FBN2: variants seen among roughly 807,000 people sequenced by gnomAD.
FBN2 encodes the protein fibrillin-2.
Under a neutral mutation model 355.6 loss-of-function variants are expected in FBN2, and 105 were observed. The ratio of observed to expected loss-of-function variants is 0.30; its 90% CI spans 0.25 to 0.35. The LOEUF (loss-of-function observed/expected upper bound fraction) is 0.35, where lower values mean the gene tolerates loss of function less well. Ranked by LOEUF, FBN2 falls within the 10% of genes least tolerant of loss-of-function variation. FBN2 has a pLI of 1.00. For synonymous variants in FBN2, 1,350 were observed against 1,301.2 expected, an observed-to-expected ratio of 1.04 and a Z score of -0.81; for missense variants, 3,280 against 3,758.7, an observed-to-expected ratio of 0.87 and a Z score of 3.33.
chr5:128,457,799 AG>A (rs1475266895), intron 6 of FBN2, among the ~76,000 whole-genome samples: 1 of 152,110 alleles, frequency 6.6e-6, no homozygotes, highest in African/African-American at 2.4e-5. Flanking sequence ...AGCTCATGAA[AG>A]AAGCACTAAA....
In FBN2 at chr5:128,515,799, A is replaced by T. The variant is rs991808020; in HGVS notation, c.628+3474T>A. ...GTCCCTTTTTCCTTTAAGTTGTACT[A>T]AAAAAATGTACATTTTAAAGGAAAT... On this transcript the variant is annotated intron_variant, in intron 5 of 64. Transcript: ENST00000262464. Among the ~76,000 whole-genome samples the T allele has an allele frequency of 1.1e-3, 174 of 152,122 alleles. 3 individuals carry two copies. Among genetic ancestry groups the T allele is most frequent in the Non-Finnish European group, 3.8e-4 (26 of 68,006 alleles).
At chr5:128,512,948 T>C (rs1003896092) in intron 5 of FBN2, among the ~76,000 whole-genome samples, 2 of 152,206 alleles carry the variant, frequency 1.3e-5, no homozygotes, top group African/African-American at 2.4e-5. Context: ...ACATAATAGA[T>C]ATATATTATA....
intron 6 of FBN2, among the ~76,000 whole-genome samples, chr5:128,456,003 A>AAAAAAAAAAAAAAC (rs1754379736): frequency 7.1e-6 from 1 of 141,702 alleles, no homozygotes; most frequent in Non-Finnish European, 1.5e-5. Context: ...AAAAAAAAAA[A>AAAAAAAAAAAAAAC]AAAAAAAAAA....
In FBN2 at chr5:128,305,017, T is replaced by A. The variant is rs2126838130; in HGVS notation, c.5740A>T (p.Ser1914Cys). The A allele has an allele frequency of 6.2e-7, 1 of 1,613,764 alleles. No homozygotes were observed. The highest frequency in any genetic ancestry group is 8.5e-7 in the Non-Finnish European group (1 of 1,179,858). Reference protein sequence around the residue: ...SHGLCVDLQGSYQCICHNGFK... With the variant: ...SHGLCVDLQGCYQCICHNGFK... ...CCATTGTGGCAGATGCACTGGTAACTTCCTTGCAGATCAACACACAAGCCA... is the reference window on the plus strand; with the variant it reads ...CCATTGTGGCAGATGCACTGGTAACATCCTTGCAGATCAACACACAAGCCA... Residue 1914 changes from serine to cysteine, a missense_variant, in exon 45 of 65, where the codon AGT (serine) becomes TGT (cysteine). Physicochemically the swap from Ser to Cys is moderately radical, Grantham distance 112. Coordinates refer to ENST00000262464, the MANE Select transcript of FBN2 (RefSeq NM_001999.4).
Position 128,305,568 on chromosome 5 carries a change from T to C in FBN2, c.5617A>G (p.Ser1873Gly). Residue 1873 changes from serine to glycine, a missense_variant, in exon 44 of 65, where the codon AGT (serine) becomes GGT (glycine). This residue lies in a region of FBN2 where 2,284 missense variants were observed against 2,749.5 expected (regional missense o/e 0.83). Transcript: ENST00000262464. ...RNADCINSPG[S>G]YRCECAAGFK... is the part of the protein sequence containing the mutation. ...CCCGCGGCACATTCACAGCGGTAACTACCAGGACTATTGATGCAGTCTGCA... is the reference window on the plus strand; with the variant it reads ...CCCGCGGCACATTCACAGCGGTAACCACCAGGACTATTGATGCAGTCTGCA... The C allele has an allele frequency of 6.2e-7, 1 of 1,614,052 alleles. No homozygotes were observed.
chr5:128,422,752 A>T (rs1449409706), intron 7 of FBN2, among the ~76,000 whole-genome samples: 1 of 152,192 alleles, frequency 6.6e-6, no homozygotes, highest in Non-Finnish European at 1.5e-5. Flanking sequence ...AAGAGAGTAA[A>T]ACAGAGTACA....
intron 6 of FBN2, among the ~76,000 whole-genome samples, chr5:128,449,470 A>C (rs1340134600): frequency 7.3e-6 from 1 of 136,802 alleles, no homozygotes; most frequent in African/African-American, 2.8e-5. Context: ...ATAGTATACT[A>C]TTAAACTATG....
At position 128,263,452 on chromosome 5, in the gene FBN2, G is replaced by A; in HGVS notation, c.8165C>T (p.Pro2722Leu). The A allele has an allele frequency of 6.2e-7, 1 of 1,613,924 alleles. No homozygotes were observed. Among genetic ancestry groups the A allele is most frequent in the Non-Finnish European group, 8.5e-7 (1 of 1,179,850 alleles). The change falls in exon 63 of 65, where the codon CCC becomes CTC. Residue 2722 changes from proline (P) to leucine (L), a missense_variant. Transcript: ENST00000262464. ...NTEGGYLCGC[P>L]PGYYRVGQGH... ...TTGTCCCACTCTGTAATACCCAGGGGGGCAGCCACAGAGGTAGCCCCCCTC... is the reference window on the plus strand; with the variant it reads ...TTGTCCCACTCTGTAATACCCAGGGAGGCAGCCACAGAGGTAGCCCCCCTC...
intron 40 of FBN2, among the ~76,000 whole-genome samples, chr5:128,309,632 C>T (rs1749977463): frequency 2.0e-5 from 3 of 152,158 alleles, no homozygotes; most frequent in African/African-American, 7.2e-5. Flanking sequence ...AATGTTAATA[C>T]ATATTTGTTT....
Position 128,349,411 on chromosome 5 carries a change from C to T in FBN2, c.2925G>A (p.Lys975=). The T allele has an allele frequency of 6.2e-7, 1 of 1,614,136 alleles. No homozygotes were observed. Among genetic ancestry groups the T allele is most frequent in the Non-Finnish European group, 8.5e-7 (1 of 1,180,014 alleles). ...CAGGGCACTCGCAATGAAAAGATCCCTTACTGTTGACACAGCGTCCATTTG... is the reference window on the plus strand; with the variant it reads ...CAGGGCACTCGCAATGAAAAGATCCTTTACTGTTGACACAGCGTCCATTTG... ...VCPNGRCVNS[K]GSFHCECPEG... Residue 975 remains lysine (K), a synonymous_variant, in exon 23 of 65, where the codon AAG becomes AAA. Coordinates refer to ENST00000262464, the MANE Select transcript of FBN2 (RefSeq NM_001999.4).
At chr5:128,296,707 A>G (rs917572198) in intron 48 of FBN2, among the ~76,000 whole-genome samples, 7 of 151,822 alleles carry the variant, frequency 4.6e-5, no homozygotes, top group East Asian at 1.9e-4. Flanking sequence ...TTTTTATTGC[A>G]TCTATTTGAT....
chr5:128,515,797 C>T lies in FBN2; in HGVS notation c.628+3476G>A, dbSNP rs199598689. On this transcript the variant is annotated intron_variant, in intron 5 of 64. Coordinates refer to ENST00000262464, the MANE Select transcript of FBN2 (RefSeq NM_001999.4). Reference sequence around the variant, plus strand: ...TAGTCCCTTTTTCCTTTAAGTTGTACTAAAAAAATGTACATTTTAAAGGAA... The same window carrying T: ...TAGTCCCTTTTTCCTTTAAGTTGTATTAAAAAAATGTACATTTTAAAGGAA... Among the ~76,000 whole-genome samples the T allele has an allele frequency of 1.1e-3, 163 of 151,782 alleles. 2 individuals carry two copies. The highest frequency in any genetic ancestry group is 1.0e-3 in the Non-Finnish European group (70 of 67,934).
Position 128,493,720 on chromosome 5 carries a change from T to A in FBN2, c.628+25553A>T, listed in dbSNP as rs542909090. On this transcript the variant is annotated intron_variant, in intron 5 of 64. Coordinates refer to ENST00000262464, the MANE Select transcript of FBN2 (RefSeq NM_001999.4). ...GGCTGTGTGATACTGGAAGGATGAC[T>A]GCTACATGGTCTAAGAAAGAAAAAA... is the stretch of plus-strand genomic sequence containing the variant. 9.2e-5 allele frequency among the ~76,000 whole-genome samples: 14 copies of A among 152,284 alleles called. No individual in the cohort carries two copies. In the East Asian group the frequency reaches 2.7e-3, roughly 29 times the overall value.
chr5:128,534,394 A>G (rs13163820), intron 2 of FBN2, among the ~76,000 whole-genome samples: 39,734 of 152,112 alleles, frequency 0.26, 5,734 homozygotes, highest in African/African-American at 0.38. Context: ...AATGCAGGCT[A>G]TTAGCATTAA....
At chr5:128,486,158 CCT>C (rs67665930) in intron 5 of FBN2, among the ~76,000 whole-genome samples, 16,002 of 152,108 alleles carry the variant, frequency 0.11, 1,003 homozygotes, top group African/African-American at 0.18. Flanking sequence ...ACTCCTTAGA[CCT>C]CTTTTTCTTC....
intron 58 of FBN2, among the ~76,000 whole-genome samples, chr5:128,277,515 C>A (rs1057038199): frequency 6.6e-6 from 1 of 152,052 alleles, no homozygotes; most frequent in Non-Finnish European, 1.5e-5. Context: ...GAGTGACAAA[C>A]AAATGTGCAC....
At chr5:128,293,666 T>G (rs1749400600) in intron 48 of FBN2, among the ~76,000 whole-genome samples, 1 of 152,160 alleles carries the variant, frequency 6.6e-6, no homozygotes. Flanking sequence ...TAGCCAAGAC[T>G]GCCTAATACA....
In FBN2 at chr5:128,393,190, G is replaced by A. The variant is rs750103822; in HGVS notation, c.1410C>T (p.Gly470=). Residue 470 remains glycine, a synonymous_variant, in exon 10 of 65, where the codon GGC becomes GGT. Coordinates refer to ENST00000262464, the MANE Select transcript of FBN2 (RefSeq NM_001999.4). ...PIPGGNGFSP[G]VGGAGVGAGG... ...CGGCCCCCACACCGGCTCCCCCAAC[G>A]CCAGGAGAAAAGCCATTGCCTCCAG... The A allele has an allele frequency of 2.1e-5, 34 of 1,613,986 alleles. No homozygotes were observed. The highest frequency in any genetic ancestry group is 2.7e-5 in the Non-Finnish European group (32 of 1,180,020).
chr5:128,408,044 G>A (rs544263143), intron 8 of FBN2, among the ~76,000 whole-genome samples: 1 of 152,196 alleles, frequency 6.6e-6, no homozygotes, highest in East Asian at 1.9e-4. Context: ...CTTAAAATTG[G>A]AATAGACTAG....
Sources: gnomAD v4.1 joint callset for allele counts (sites outside exome capture counted in the v4.1 genomes callset) on GRCh38, gnomAD v4.1.1 for gene constraint, gnomAD v4.1.1 regional missense constraint, MANE v1.5 for transcripts, NCBI Gene and HGNC (gene_info 2026-07-23, HGNC 2026-07-21) for gene names.